Variants in MINDY3 observed in about 807,000 individuals in gnomAD.
The protein encoded by MINDY3 is MINDY lysine 48 deubiquitinase 3.
Under a neutral mutation model 69.2 loss-of-function variants are expected in MINDY3, and 38 were observed. The observed-to-expected ratio is 0.55, with a 90% confidence interval of 0.42 to 0.72. The LOEUF is 0.72. MINDY3 is among the 30% of genes least tolerant of loss of function. The pLI is 0.00. For synonymous variants in MINDY3, 192 were observed against 180.1 expected (o/e 1.07, Z -0.53); for missense variants, 522 against 519.0 (o/e 1.01, Z -0.06).
At chr10:15,782,316 A>C in intron 13 of MINDY3, 90 bp from the exon 14 acceptor site, 1 of 878,934 alleles carries the variant, frequency 1.1e-6, no homozygotes, top group Non-Finnish European at 1.7e-6. Context: ...TGTTTCTCAA[A>C]TCCTTATCCT....
At chr10:15,801,419 C>A (rs751267951) in intron 10 of MINDY3, among the ~76,000 whole-genome samples, 4 of 152,084 alleles carry the variant, frequency 2.6e-5, no homozygotes, top group Non-Finnish European at 5.9e-5. Flanking sequence ...TGGATCAGTT[C>A]TATCAATGCT....
At chr10:15,792,286 G>C (rs1398394719) in intron 11 of MINDY3, among the ~76,000 whole-genome samples, 1 of 152,032 alleles carries the variant, frequency 6.6e-6, no homozygotes, top group Non-Finnish European at 1.5e-5. Context: ...GGAGGGCAGG[G>C]AGTCCAGATC....
intron 7 of MINDY3, 83 bp from the exon 8 acceptor site, chr10:15,833,792 A>C: frequency 1.2e-6 from 1 of 864,754 alleles, no homozygotes. Flanking sequence ...TAAAGTAATG[A>C]CTTTTCACAT....
chr10:15,830,669 C>T (rs1348743999), intron 8 of MINDY3, among the ~76,000 whole-genome samples: 1 of 152,126 alleles, frequency 6.6e-6, no homozygotes, highest in Non-Finnish European at 1.5e-5. Context: ...GATTTCTGTC[C>T]GTGGTACAGA....
intron 10 of MINDY3, among the ~76,000 whole-genome samples, chr10:15,798,465 T>TTG (rs71881059): frequency 1.6e-5 from 1 of 60,964 alleles, no homozygotes; most frequent in African/African-American, 1.2e-4. Flanking sequence ...GTGCCAAGTG[T>TTG]TTTTTTTTTT....
At chr10:15,792,641 A>C (rs1837506760) in intron 11 of MINDY3, among the ~76,000 whole-genome samples, 1 of 152,156 alleles carries the variant, frequency 6.6e-6, no homozygotes, top group African/African-American at 2.4e-5. Context: ...AGATTAAAAA[A>C]ATGCAGTACA....
chr10:15,834,907 G>T (rs1658858850), intron 6 of MINDY3, among the ~76,000 whole-genome samples: 1 of 152,020 alleles, frequency 6.6e-6, no homozygotes, highest in Non-Finnish European at 1.5e-5. Flanking sequence ...GGAGAAAGGA[G>T]AAATTATTTA....
At chr10:15,791,835 G>GAAAT (rs1837443987) in intron 11 of MINDY3, among the ~76,000 whole-genome samples, 1 of 152,154 alleles carries the variant, frequency 6.6e-6, no homozygotes, top group South Asian at 2.1e-4. Context: ...GCTTTCAAAG[G>GAAAT]AAATATAAAA....
chr10:15,804,791 G>A (rs1000709707), intron 10 of MINDY3, among the ~76,000 whole-genome samples: 1 of 152,060 alleles, frequency 6.6e-6, no homozygotes, highest in Admixed American at 6.6e-5. Context: ...AACACAGAAC[G>A]TCATTAGTGG....
At position 15,783,793 on chromosome 10, in the gene MINDY3, A is replaced by G. The variant is rs1262405226; in HGVS notation, c.1117-1567T>C. On this transcript the variant is annotated intron_variant, in intron 13 of 14. Coordinates refer to ENST00000277632, the MANE Select transcript of MINDY3 (RefSeq NM_024948.4). ...TTCCTTAATTACAGGAGTCATTGCA[A>G]TTAGTTACATAATTTGACTCTTGGC... Among the ~76,000 whole-genome samples, 12 of 152,324 alleles carry G rather than the reference A, an allele frequency of 7.9e-5. No individual in the cohort carries two copies. In the East Asian group the frequency reaches 2.1e-3, roughly 27 times the overall value.
intron 10 of MINDY3, among the ~76,000 whole-genome samples, chr10:15,799,897 T>G (rs368051734): frequency 1.3e-5 from 2 of 152,238 alleles, no homozygotes; most frequent in African/African-American, 2.4e-5. Flanking sequence ...CGTGAGCTAT[T>G]AGAAATAGAA....
rs78656402 is a variant in MINDY3, at chr10:15,842,258, A to T, written c.236-659T>A. Among the ~76,000 whole-genome samples, 1,466 of 151,966 alleles carry T rather than the reference A, an allele frequency of 9.6e-3. 12 individuals carry two copies. The highest frequency in any genetic ancestry group is 0.015 in the Non-Finnish European group (1,025 of 67,774). On this transcript the variant is annotated intron_variant, in intron 3 of 14. Coordinates refer to ENST00000277632, the MANE Select transcript of MINDY3 (RefSeq NM_024948.4). The stretch of plus-strand genomic sequence containing the variant: ...TTCTGAAACTTTCAAAAATTTTATG[A>T]TACAAGGAGGTTTCTGTCTCTCCTA...
intron 1 of MINDY3, among the ~76,000 whole-genome samples, chr10:15,849,490 GGAA>G (rs1834120508): frequency 6.6e-6 from 1 of 151,498 alleles, no homozygotes; most frequent in Non-Finnish European, 1.5e-5. Flanking sequence ...AAGAGAAGCA[GGAA>G]GAAGTTGTTT....
intron 11 of MINDY3, among the ~76,000 whole-genome samples, chr10:15,790,136 T>C (rs572607640): frequency 2.7e-4 from 41 of 152,188 alleles, no homozygotes; most frequent in African/African-American, 9.9e-4. Context: ...GAGAACAAGA[T>C]GTCCAAAAGC....
chr10:15,826,571 A>G (rs572105969), intron 8 of MINDY3, among the ~76,000 whole-genome samples: 2 of 152,324 alleles, frequency 1.3e-5, no homozygotes, highest in South Asian at 4.1e-4. Flanking sequence ...TGGAACTTGA[A>G]GAGCTGGGAG....
intron 10 of MINDY3, among the ~76,000 whole-genome samples, chr10:15,806,439 C>T (rs963980246): frequency 6.6e-6 from 1 of 152,078 alleles, no homozygotes; most frequent in African/African-American, 2.4e-5. Flanking sequence ...GTGAGGGCCC[C>T]CAACCAATCC....
chr10:15,805,499 A>G (rs918138745), intron 10 of MINDY3, among the ~76,000 whole-genome samples: 1 of 152,194 alleles, frequency 6.6e-6, no homozygotes, highest in Non-Finnish European at 1.5e-5. Context: ...AAACTGTTCA[A>G]TCACCTAGTG....
Position 15,843,291 on chromosome 10 carries a change from A to G in MINDY3, c.175-19T>C. Reference sequence around the variant, plus strand: ...GAAATGCCTTTACACAATTAAAGCAATAATTAGTGAAATGCATTATAACCA... The same window carrying G: ...GAAATGCCTTTACACAATTAAAGCAGTAATTAGTGAAATGCATTATAACCA... On this transcript the variant is annotated intron_variant, in intron 2 of 14. Transcript: ENST00000277632. 20 of 1,585,714 alleles carry G rather than the reference A, an allele frequency of 1.3e-5. No individual in the cohort carries two copies. Among genetic ancestry groups the G allele is most frequent in the Non-Finnish European group, 1.7e-5 (20 of 1,154,924 alleles).
intron 1 of MINDY3, among the ~76,000 whole-genome samples, chr10:15,850,174 C>T (rs1834179150): frequency 6.6e-6 from 1 of 152,208 alleles, no homozygotes; most frequent in South Asian, 2.1e-4. Flanking sequence ...ATTTCCTATG[C>T]CTGTCTTTAA....
Sources: allele counts gnomAD v4.1 joint callset (sites outside exome capture counted in the v4.1 genomes callset), GRCh38; gene constraint gnomAD v4.1.1; transcripts MANE v1.5; gene names NCBI Gene and HGNC (gene_info 2026-07-23, HGNC 2026-07-21).